Variants in PECR observed in about 807,000 individuals in gnomAD.
The protein encoded by PECR is peroxisomal trans-2-enoyl-CoA reductase, also known as 2,4-dienoyl-CoA reductase-related protein.
PECR carries 30 observed loss-of-function variants against 35.3 expected under a neutral mutation model. The observed-to-expected ratio is 0.85, with a 90% CI of 0.64 to 1.15. The LOEUF is 1.15. Ranked by LOEUF, PECR falls within the 50% of genes most tolerant of loss-of-function variation. The pLI is 0.00. For synonymous variants in PECR, 148 were observed against 138.9 expected, an observed-to-expected ratio of 1.07 and a Z score of -0.46; for missense variants, 392 against 370.8, an observed-to-expected ratio of 1.06 and a Z score of -0.47.
At chr2:216,070,352 T>C (rs1695565224) in intron 1 of PECR, among the ~76,000 whole-genome samples, 1 of 152,238 alleles carries the variant, frequency 6.6e-6, no homozygotes, top group Non-Finnish European at 1.5e-5. Flanking sequence ...AAATACACAA[T>C]GCATTACTAA....
chr2:216,068,288 C>T (rs974422052), intron 1 of PECR, among the ~76,000 whole-genome samples: 2 of 146,020 alleles, frequency 1.4e-5, no homozygotes, highest in Non-Finnish European at 1.5e-5. Context: ...ATTAAATAGA[C>T]CAGTGATGAA....
intron 6 of PECR, among the ~76,000 whole-genome samples, chr2:216,047,361 C>A (rs967953706): frequency 1.3e-5 from 2 of 151,924 alleles, no homozygotes; most frequent in African/African-American, 4.8e-5. Flanking sequence ...TAGTTCTAAG[C>A]ATGATAACTC....
rs181797692 is a variant in PECR at position 216,071,714 on chromosome 2, A to C, written c.125-5196T>G. ...CAAAATCAACAACTCCTGGGGCTAC[A>C]GTAACGCCCTGCAAGTTAAGATGAC... On this transcript the variant is annotated intron_variant, in intron 1 of 7. Transcript: ENST00000265322. Among the ~76,000 whole-genome samples, 45 of 152,338 alleles carry C rather than the reference A, an allele frequency of 3.0e-4. No homozygotes were observed. In the East Asian group the frequency reaches 8.3e-3, roughly 28 times the overall value.
chr2:216,066,336 A>G (rs1257470245), intron 2 of PECR, 49 bp downstream of exon 2: 2 of 1,526,622 alleles, frequency 1.3e-6, no homozygotes, highest in East Asian at 4.5e-5. Context: ...AAGAAACACT[A>G]CTGCAAATTA....
chr2:216,031,473 A>AAG (rs60724822), intron 7 of PECR, among the ~76,000 whole-genome samples: 50 of 110,662 alleles, frequency 4.5e-4, no homozygotes, highest in African/African-American at 1.6e-3. Flanking sequence ...GAAAGAAAGA[A>AAG]AGAGAAAGAA....
At chr2:216,078,415 A>G (rs1204120384) in intron 1 of PECR, among the ~76,000 whole-genome samples, 1 of 151,840 alleles carries the variant, frequency 6.6e-6, no homozygotes, top group Non-Finnish European at 1.5e-5. Flanking sequence ...GATGGATCAT[A>G]AGGTCAGGAG....
chr2:216,073,690 T>C (rs1228260802), intron 1 of PECR, among the ~76,000 whole-genome samples: 3 of 152,188 alleles, frequency 2.0e-5, no homozygotes, highest in Middle Eastern at 3.2e-3. Flanking sequence ...ATCTTTTGTA[T>C]GTTTAGATAT....
intron 1 of PECR, among the ~76,000 whole-genome samples, chr2:216,077,490 G>C (rs1367553042): frequency 2.0e-5 from 3 of 148,904 alleles, no homozygotes. Context: ...CTGGGTGACA[G>C]AGCAAGACCT....
chr2:216,055,246 T>A (rs981700552), intron 4 of PECR, among the ~76,000 whole-genome samples: 2 of 151,746 alleles, frequency 1.3e-5, no homozygotes, highest in Non-Finnish European at 2.9e-5. Context: ...GAGACCACCC[T>A]GAGCAACACA....
chr2:216,051,675 T>C, intron 4 of PECR, 130 bp from the exon 5 acceptor site: 1 of 721,592 alleles, frequency 1.4e-6, no homozygotes, highest in Admixed American at 2.0e-5. Flanking sequence ...GTCTGTCTTG[T>C]TGAGCTTCTG....
At chr2:216,051,318 C>A in intron 5 of PECR, 131 bp downstream of exon 5, 2 of 624,570 alleles carry the variant, frequency 3.2e-6, no homozygotes, top group Non-Finnish European at 5.8e-6. Context: ...ATTAGGCTTT[C>A]CATTTTATCT....
intron 4 of PECR, 124 bp from the exon 5 acceptor site, chr2:216,051,669 G>T: frequency 1.4e-6 from 1 of 725,600 alleles, no homozygotes; most frequent in Non-Finnish European, 2.5e-6. Flanking sequence ...TATGGAGTCT[G>T]TCTTGTTGAG....
chr2:216,049,471 G>C (rs1159782329), intron 5 of PECR, 98 bp from the exon 6 acceptor site: 1 of 633,128 alleles, frequency 1.6e-6, no homozygotes, highest in African/African-American at 1.8e-5. Context: ...CAAACATTAA[G>C]TAGCTTAAGT....
At chr2:216,043,782 G>A in intron 7 of PECR, 122 bp downstream of exon 7, 1 of 672,048 alleles carries the variant, frequency 1.5e-6, no homozygotes, top group Admixed American at 2.2e-5. Flanking sequence ...TAAACATTTT[G>A]TACATTTTGA....
At chr2:216,031,457 GAGAAAGAA>G (rs1274456248) in intron 7 of PECR, among the ~76,000 whole-genome samples, 1 of 117,774 alleles carries the variant, frequency 8.5e-6, no homozygotes, top group South Asian at 2.5e-4. Context: ...GAAAGAAAGA[GAGAAAGAA>G]AGAAAGAAAG....
chr2:216,049,252 A>T lies in PECR; in HGVS notation c.714+11T>A, dbSNP rs377731182. 84 of 1,293,222 alleles carry T rather than the reference A, an allele frequency of 6.5e-5. No homozygotes were observed. The highest frequency in any genetic ancestry group is 5.9e-4 in the Admixed American group (35 of 59,630). The allele number at this position is 1,293,222 out of a possible 1,614,324, so 80.1% of individuals were successfully genotyped here. On this transcript the variant is annotated intron_variant, in intron 6 of 7. Coordinates refer to ENST00000265322, the MANE Select transcript of PECR (RefSeq NM_018441.6). ...ACAGCAATTCTAATCAATGCTGGAA[A>T]TATACCTTACCTCCTCAGGAACACC...
intron 4 of PECR, chr2:216,057,579 C>T (rs1052502537): frequency 6.6e-6 from 1 of 152,066 alleles, no homozygotes; most frequent in South Asian, 2.1e-4. Flanking sequence ...TTCCAAGATG[C>T]TAAAATAGGT....
chr2:216,048,016 C>G (rs529120401), intron 6 of PECR, among the ~76,000 whole-genome samples: 5 of 148,984 alleles, frequency 3.4e-5, no homozygotes, highest in Non-Finnish European at 5.9e-5. Context: ...GGTAAGTTTA[C>G]TACTAGTTAT....
At chr2:216,069,802 G>T (rs1025793877) in intron 1 of PECR, among the ~76,000 whole-genome samples, 8 of 151,964 alleles carry the variant, frequency 5.3e-5, no homozygotes, top group Non-Finnish European at 1.0e-4. Flanking sequence ...CAGGTGTGGT[G>T]GTGGGCGCCT....
Sources: allele counts gnomAD v4.1 joint callset (sites outside exome capture counted in the v4.1 genomes callset), GRCh38; gene constraint gnomAD v4.1.1; transcripts MANE v1.5; gene names NCBI Gene and HGNC (gene_info 2026-07-23, HGNC 2026-07-21).